Variants in NTRK3 observed in about 807,000 individuals in gnomAD.
NTRK3 encodes the protein NT-3 growth factor receptor.
In NTRK3, 24 loss-of-function variants were observed where a neutral mutation model predicts 91.7. The ratio of observed to expected loss-of-function variants is 0.26; its 90% CI spans 0.19 to 0.37. The LOEUF (loss-of-function observed/expected upper bound fraction) is 0.37, where lower values mean the gene tolerates loss of function less well. Ranked by LOEUF, NTRK3 falls within the 10% of genes least tolerant of loss-of-function variation. The probability of loss-of-function intolerance (pLI) is 1.00; values close to 1 mark genes in which losing one functional copy is unlikely to be tolerated. For missense variants in NTRK3, 880 were observed against 1,068.9 expected (o/e 0.82, Z 2.46); for synonymous variants, 483 against 404.0 (o/e 1.20, Z -2.34).
intron 14 of NTRK3, among the ~76,000 whole-genome samples, chr15:87,961,003 G>T (rs570862312): frequency 1.3e-5 from 2 of 152,140 alleles, no homozygotes; most frequent in African/African-American, 4.8e-5. Flanking sequence ...TGATGCCCAG[G>T]CCCAACTGCT....
intron 17 of NTRK3, among the ~76,000 whole-genome samples, chr15:87,926,106 T>C (rs2068286321): frequency 2.0e-5 from 3 of 152,204 alleles, no homozygotes. Context: ...CTAATGGTGG[T>C]TGCACATTAG....
At chr15:88,049,862 T>C (rs903267746) in intron 13 of NTRK3, among the ~76,000 whole-genome samples, 1 of 152,252 alleles carries the variant, frequency 6.6e-6, no homozygotes, top group South Asian at 2.1e-4. Flanking sequence ...TCAATGATTA[T>C]GCATCTCTGC....
chr15:88,213,222 G>A lies in NTRK3; in HGVS notation c.249-28923C>T, dbSNP rs544199078. 3.3e-5 allele frequency among the ~76,000 whole-genome samples: 5 copies of A among 152,236 alleles called. No individual in the cohort carries two copies. In the South Asian group the frequency reaches 8.3e-4, roughly 25 times the overall value. ...GATGTTGGGGTGAGCCATCATTCCC[G>A]TTTCACACATGAGGAAACAGAGGCC... is the stretch of plus-strand genomic sequence containing the variant. On this transcript the variant is annotated intron_variant, in intron 3 of 18. Transcript: ENST00000394480.
intron 13 of NTRK3, among the ~76,000 whole-genome samples, chr15:88,089,392 C>T (rs1025316256): frequency 3.3e-5 from 5 of 152,150 alleles, no homozygotes; most frequent in African/African-American, 1.2e-4. Context: ...GATTTATGCA[C>T]AATGACATCC....
intron 3 of NTRK3, among the ~76,000 whole-genome samples, chr15:88,246,935 G>T (rs2052887741): frequency 7.1e-6 from 1 of 141,586 alleles, no homozygotes; most frequent in South Asian, 2.1e-4. Flanking sequence ...AGCGCCACAC[G>T]CCCGGCTCCC....
At chr15:87,976,352 A>G (rs60192804) in intron 14 of NTRK3, among the ~76,000 whole-genome samples, 2,981 of 152,316 alleles carry the variant, frequency 0.02, 92 homozygotes, top group African/African-American at 0.067. Context: ...GAGGGTATAT[A>G]GAAAAGCACC....
intron 13 of NTRK3, among the ~76,000 whole-genome samples, chr15:88,047,851 G>C (rs887691258): frequency 2.0e-5 from 3 of 152,142 alleles, no homozygotes; most frequent in African/African-American, 7.2e-5. Context: ...AGTAACTTAG[G>C]CCTCCTGTGT....
intron 17 of NTRK3, among the ~76,000 whole-genome samples, chr15:87,906,575 G>A (rs1429114346): frequency 6.6e-6 from 1 of 152,212 alleles, no homozygotes; most frequent in African/African-American, 2.4e-5. Flanking sequence ...CTGTCATTAT[G>A]AAGTTTGTGA....
chr15:88,184,357 T>C, intron 3 of NTRK3, 58 bp from the exon 4 acceptor site: 1 of 1,539,444 alleles, frequency 6.5e-7, no homozygotes, highest in Non-Finnish European at 8.9e-7. Context: ...GGGGCTGGCT[T>C]TGGAGCCACA....
chr15:87,915,017 G>C (rs1167123016), intron 17 of NTRK3, among the ~76,000 whole-genome samples: 3 of 152,140 alleles, frequency 2.0e-5, no homozygotes. Flanking sequence ...TGTTGGTAAT[G>C]ATGTTGGTGA....
At chr15:88,256,139 A>T in exon 3 of NTRK3, 3 of 1,593,962 alleles carry the variant, frequency 1.9e-6, no homozygotes, top group Non-Finnish European at 2.6e-6. Flanking sequence ...TGGCTGGGCA[A>T]AGAGAGACAT....
In NTRK3 at chr15:87,916,095, T is replaced by TTCC. The variant is rs369516733; in HGVS notation, c.2133+13093_2133+13095dup. On this transcript the variant is annotated intron_variant, in intron 17 of 18. Coordinates refer to ENST00000394480, the Ensembl canonical transcript of NTRK3. ...GCTTTGTATTGACCCAGTCTTCTGA[T>TTCC]TCCTCCTCCTCCTCCTCCTTCCGTT... Among the ~76,000 whole-genome samples, 811 of 152,146 alleles carry TTCC rather than the reference T, an allele frequency of 5.3e-3. 8 individuals are homozygous for TTCC. Among genetic ancestry groups the TTCC allele is most frequent in the African/African-American group, 0.019 (777 of 41,542 alleles).
chr15:87,883,684 G>T (rs2065375017), intron 17 of NTRK3, among the ~76,000 whole-genome samples: 1 of 150,476 alleles, frequency 6.6e-6, no homozygotes, highest in African/African-American at 2.4e-5. Flanking sequence ...AGGAAAACTG[G>T]AATTCCAAGA....
At chr15:87,925,298 T>C (rs2068199252) in intron 17 of NTRK3, among the ~76,000 whole-genome samples, 1 of 152,218 alleles carries the variant, frequency 6.6e-6, no homozygotes, top group African/African-American at 2.4e-5. Context: ...ATACCACTTA[T>C]GTATGAGCCA....
In NTRK3 at chr15:87,969,490, G is replaced by C. The variant is rs76542870; in HGVS notation, c.1586-28737C>G. ...GAGCTCAACAGCATGTGACTAATGA[G>C]AAAAGTTTTACCAGTTCAAGGCTGG... On this transcript the variant is annotated intron_variant, in intron 14 of 18. Coordinates refer to ENST00000394480, the Ensembl canonical transcript of NTRK3. Among the ~76,000 whole-genome samples, 858 of 152,282 alleles carry C rather than the reference G, an allele frequency of 5.6e-3. 10 individuals carry two copies. The highest frequency in any genetic ancestry group is 0.02 in the African/African-American group (812 of 41,560).
chr15:87,886,688 A>G (rs1273045845), intron 17 of NTRK3, among the ~76,000 whole-genome samples: 2 of 141,496 alleles, frequency 1.4e-5, no homozygotes, highest in Non-Finnish European at 3.1e-5. Context: ...ATATATATAT[A>G]TATATATATA....
intron 14 of NTRK3, among the ~76,000 whole-genome samples, chr15:87,946,829 C>G (rs1184341826): frequency 6.6e-6 from 1 of 151,338 alleles, no homozygotes; most frequent in Non-Finnish European, 1.5e-5. Flanking sequence ...AGCCAGATAC[C>G]AGGCTGAGCA....
chr15:88,071,164 C>T (rs569731008), intron 13 of NTRK3, among the ~76,000 whole-genome samples: 2 of 152,196 alleles, frequency 1.3e-5, no homozygotes, highest in African/African-American at 2.4e-5. Context: ...GTCCCAGGCC[C>T]GATGAACTGA....
chr15:88,163,862 G>A (rs1050806585), intron 5 of NTRK3, among the ~76,000 whole-genome samples: 1 of 152,118 alleles, frequency 6.6e-6, no homozygotes, highest in Non-Finnish European at 1.5e-5. Context: ...TCCCACTTTG[G>A]ACAATGTGTT....
Sources: gnomAD v4.1 joint callset for allele counts (sites outside exome capture counted in the v4.1 genomes callset) on GRCh38, gnomAD v4.1.1 for gene constraint, MANE v1.5 for transcripts, NCBI Gene and HGNC (gene_info 2026-07-23, HGNC 2026-07-21) for gene names.